Variants in NRG1 observed in about 807,000 individuals in gnomAD.
NRG1 encodes the protein pro-neuregulin-1, membrane-bound isoform.
Under a neutral mutation model 63.8 loss-of-function variants are expected in NRG1, and 18 were observed. The ratio of observed to expected loss-of-function variants is 0.28; its 90% CI spans 0.19 to 0.42. NRG1 has a LOEUF of 0.42. Among genes scored for constraint, NRG1 ranks in the 10% least tolerant of loss-of-function variants. The pLI is 1.00. For synonymous variants in NRG1, 302 were observed against 301.3 expected (o/e 1.00, Z -0.02); for missense variants, 762 against 814.7 (o/e 0.94, Z 0.79).
chr8:31,990,432 T>A (rs1050032250), intron 1 of NRG1, among the ~76,000 whole-genome samples: 1 of 152,076 alleles, frequency 6.6e-6, no homozygotes, highest in African/African-American at 2.4e-5. Context: ...AGGACTGAGA[T>A]AAATTAATGG....
intron 1 of NRG1, among the ~76,000 whole-genome samples, chr8:32,149,099 A>G (rs1356360850): frequency 6.6e-6 from 1 of 152,138 alleles, no homozygotes; most frequent in African/African-American, 2.4e-5. Context: ...CACTTTTTTC[A>G]TTCTCAAAGT....
intron 1 of NRG1, among the ~76,000 whole-genome samples, chr8:31,855,522 G>T (rs1827767003): frequency 6.6e-6 from 1 of 152,024 alleles, no homozygotes; most frequent in South Asian, 2.1e-4. Context: ...ACGTGAGATG[G>T]GTTTCCTGAA....
intron 1 of NRG1, among the ~76,000 whole-genome samples, chr8:32,237,130 A>G (rs1367786658): frequency 1.3e-5 from 2 of 152,184 alleles, no homozygotes; most frequent in East Asian, 1.9e-4. Context: ...GACTACATAC[A>G]TTATTTGTTG....
At chr8:32,632,588 A>C (rs73590624) in intron 5 of NRG1, among the ~76,000 whole-genome samples, 1 of 151,730 alleles carries the variant, frequency 6.6e-6, no homozygotes, top group African/African-American at 2.4e-5. Context: ...ACACAGTGAC[A>C]ATGTTCAGTG....
intron 5 of NRG1, among the ~76,000 whole-genome samples, chr8:32,679,919 C>G (rs1251659296): frequency 3.9e-5 from 6 of 152,168 alleles, no homozygotes; most frequent in African/African-American, 1.4e-4. Flanking sequence ...TATTACCTTG[C>G]TCCTTTCTAG....
At chr8:31,981,855 G>A (rs1312572574) in intron 1 of NRG1, among the ~76,000 whole-genome samples, 2 of 151,952 alleles carry the variant, frequency 1.3e-5, no homozygotes, top group East Asian at 1.9e-4. Flanking sequence ...TGATAATAGA[G>A]CCTAGACAAA....
chr8:31,875,260 C>T (rs1478636752), intron 1 of NRG1, among the ~76,000 whole-genome samples: 1 of 152,146 alleles, frequency 6.6e-6, no homozygotes, highest in Non-Finnish European at 1.5e-5. Context: ...TTTGCCTCAG[C>T]CCGGGCAACT....
chr8:32,372,853 G>T (rs1194152948), intron 1 of NRG1, among the ~76,000 whole-genome samples: 3 of 152,166 alleles, frequency 2.0e-5, no homozygotes, highest in African/African-American at 7.2e-5. Flanking sequence ...TCAGGTGTCT[G>T]CAGGGGCTAT....
chr8:32,534,083 T>G (rs1015004428), intron 1 of NRG1, among the ~76,000 whole-genome samples: 5 of 152,062 alleles, frequency 3.3e-5, no homozygotes, highest in African/African-American at 2.4e-5. Flanking sequence ...GACATTCTCT[T>G]TAACAGCCAC....
At chr8:31,728,018 G>A (rs1043807060) in intron 1 of NRG1, among the ~76,000 whole-genome samples, 7 of 152,140 alleles carry the variant, frequency 4.6e-5, no homozygotes, top group African/African-American at 7.2e-5. Context: ...AGGACAGAGC[G>A]GGACAGTGGG....
intron 1 of NRG1, among the ~76,000 whole-genome samples, chr8:31,923,410 T>C (rs1834075091): frequency 6.6e-6 from 1 of 152,116 alleles, no homozygotes; most frequent in East Asian, 1.9e-4. Context: ...ATGAGAGAGA[T>C]TGTACTGTAA....
At chr8:32,447,742 G>A (rs1820444749) in intron 1 of NRG1, among the ~76,000 whole-genome samples, 2 of 151,842 alleles carry the variant, frequency 1.3e-5, no homozygotes, top group African/African-American at 2.4e-5. Flanking sequence ...GCATGGCGGT[G>A]GCTCCCTGTA....
At chr8:32,407,043 G>A (rs1019634068) in intron 1 of NRG1, among the ~76,000 whole-genome samples, 16 of 151,640 alleles carry the variant, frequency 1.1e-4, no homozygotes, top group African/African-American at 3.6e-4. Flanking sequence ...ACAAAGTCAT[G>A]GGTATGCTCT....
chr8:31,851,045 A>G (rs1827164331), intron 1 of NRG1, among the ~76,000 whole-genome samples: 1 of 152,124 alleles, frequency 6.6e-6, no homozygotes, highest in Admixed American at 6.6e-5. Context: ...ACATGAGTGG[A>G]AGTAAGGGGT....
At chr8:32,261,703 C>T (rs1190293347) in intron 1 of NRG1, among the ~76,000 whole-genome samples, 1 of 151,972 alleles carries the variant, frequency 6.6e-6, no homozygotes, top group Non-Finnish European at 1.5e-5. Flanking sequence ...ACGGTAAAGG[C>T]CAGAAAAGAT....
chr8:32,739,837 C>A (rs10089448), intron 6 of NRG1, among the ~76,000 whole-genome samples: 14,385 of 151,986 alleles, frequency 0.095, 781 homozygotes, highest in Admixed American at 0.1. Flanking sequence ...ACATACACAG[C>A]GTGTTCACAT....
At chr8:32,247,065 C>T (rs964998090) in intron 1 of NRG1, among the ~76,000 whole-genome samples, 1 of 151,646 alleles carries the variant, frequency 6.6e-6, no homozygotes, top group Non-Finnish European at 1.5e-5. Flanking sequence ...TCACTTTGTA[C>T]CCCATATACT....
chr8:32,052,414 T>C (rs993664031), intron 1 of NRG1, among the ~76,000 whole-genome samples: 4 of 151,764 alleles, frequency 2.6e-5, no homozygotes, highest in Admixed American at 2.6e-4. Flanking sequence ...TAGCTGGGAC[T>C]ACAGGCATGT....
chr8:32,661,046 G>T (rs1377053183), intron 5 of NRG1, among the ~76,000 whole-genome samples: 1 of 152,124 alleles, frequency 6.6e-6, no homozygotes, highest in Admixed American at 6.6e-5. Flanking sequence ...TACCTGCATT[G>T]TTCTCAGGAT....
Sources: allele counts gnomAD v4.1 joint callset (sites outside exome capture counted in the v4.1 genomes callset), GRCh38; gene constraint gnomAD v4.1.1; transcripts MANE v1.5; gene names NCBI Gene and HGNC (gene_info 2026-07-23, HGNC 2026-07-21).